Variants in CACNA1A observed in about 807,000 individuals in gnomAD.
The protein encoded by CACNA1A is calcium voltage-gated channel subunit alpha1 A, also known as voltage-dependent P/Q-type calcium channel subunit alpha-1A.
CACNA1A carries 57 observed loss-of-function variants against 262.4 expected under a neutral mutation model. The ratio of observed to expected loss-of-function variants is 0.22; its 90% CI spans 0.18 to 0.27. The LOEUF (loss-of-function observed/expected upper bound fraction) is 0.27, where lower values mean the gene tolerates loss of function less well. Ranked by LOEUF, CACNA1A falls within the 10% of genes least tolerant of loss-of-function variation. CACNA1A has a pLI of 1.00. For synonymous variants in CACNA1A, 1,431 were observed against 1,419.3 expected (o/e 1.01, Z -0.18); for missense variants, 2,526 against 3,562.8 (o/e 0.71, Z 7.41).
At chr19:13,429,077 G>C (rs1426402944) in intron 3 of CACNA1A, among the ~76,000 whole-genome samples, 1 of 151,456 alleles carries the variant, frequency 6.6e-6, no homozygotes, top group African/African-American at 2.4e-5. Context: ...ACCACCTTCT[G>C]AGCTGGGTCT....
intron 24 of CACNA1A, among the ~76,000 whole-genome samples, chr19:13,264,671 C>T (rs1410306150): frequency 6.6e-6 from 1 of 152,210 alleles, no homozygotes; most frequent in African/African-American, 2.4e-5. Context: ...TCTCCAGTCA[C>T]AGAACTACCC....
At chr19:13,421,624 A>G (rs2060316924) in intron 3 of CACNA1A, among the ~76,000 whole-genome samples, 1 of 152,176 alleles carries the variant, frequency 6.6e-6, no homozygotes, top group African/African-American at 2.4e-5. Context: ...CTCTCATGAA[A>G]GAGGTTTCAG....
rs537368913 is a variant in CACNA1A, at chr19:13,268,633, A to G, written c.3990-5800T>C. Among the ~76,000 whole-genome samples, 13 of 151,822 alleles carry G rather than the reference A, an allele frequency of 8.6e-5. No homozygotes were observed. The South Asian group carries it at 2.7e-3, about 32-fold the overall frequency. ...GTATTTTTAGTAGAGATGGGGTTTC[A>G]CCGTGTTAGCCAGGATGGTCTCCAT... On this transcript the variant is annotated intron_variant, in intron 24 of 46. Coordinates refer to ENST00000360228, the MANE Select transcript of CACNA1A (RefSeq NM_001127222.2).
At chr19:13,286,172 G>A (rs971374264) in intron 20 of CACNA1A, among the ~76,000 whole-genome samples, 4 of 152,020 alleles carry the variant, frequency 2.6e-5, no homozygotes, top group African/African-American at 7.3e-5. Context: ...GTGCTGGGCC[G>A]AGAGAATCAA....
Position 13,506,110 on chromosome 19 carries a change from C to T in CACNA1A, c.115G>A (p.Gly39Ser). ...GGRGAGGSRQ[G>S]GQPGAQRMYK... ...ATCCTTTGCGCCCCGGGCTGCCCGC[C>T]CTGCCGGCTGCCCCCGGCTCCTCGC... is the stretch of plus-strand genomic sequence containing the variant. Residue 39 changes from glycine (G) to serine (S), a missense_variant, in exon 1 of 47, where the codon GGC becomes AGC. Around this residue, in one of 17 missense-constraint regions of CACNA1A, gnomAD observed 65 missense variants for 75.6 expected, o/e 0.86. Transcript: ENST00000360228. 3 of 1,611,738 alleles carry T rather than the reference C, an allele frequency of 1.9e-6. No individual in the cohort carries two copies. Among genetic ancestry groups the T allele is most frequent in the Non-Finnish European group, 2.5e-6 (3 of 1,179,058 alleles).
chr19:13,234,795 AG>A, intron 34 of CACNA1A, 125 bp downstream of exon 34: 1 of 698,728 alleles, frequency 1.4e-6, no homozygotes, highest in Admixed American at 2.3e-5. Flanking sequence ...CGCCCCTGCC[AG>A]AAGAGAAGGA....
chr19:13,282,861 T>C (rs749434874), intron 22 of CACNA1A, among the ~76,000 whole-genome samples: 12 of 152,148 alleles, frequency 7.9e-5, no homozygotes, highest in Non-Finnish European at 1.3e-4. Context: ...AGCCAAATAG[T>C]TGTTTCTTTC....
chr19:13,483,342 G>C (rs1038456615), intron 1 of CACNA1A, among the ~76,000 whole-genome samples: 3 of 152,118 alleles, frequency 2.0e-5, no homozygotes, highest in Non-Finnish European at 4.4e-5. Flanking sequence ...CAGACTTGGG[G>C]GTTGCTTGTT....
chr19:13,249,052 T>C (rs1449132947), intron 30 of CACNA1A, among the ~76,000 whole-genome samples: 2 of 152,108 alleles, frequency 1.3e-5, no homozygotes, highest in Non-Finnish European at 2.9e-5. Context: ...CACTGCAGCC[T>C]TGAACTCCTG....
intron 25 of CACNA1A, chr19:13,261,895 T>C (rs1479425338): frequency 6.1e-6 from 2 of 328,092 alleles, no homozygotes; most frequent in Non-Finnish European, 1.1e-5. Flanking sequence ...ACAAAGTTAC[T>C]TCCTTTCCAA....
At chr19:13,413,895 A>AGAAAGAAAGAGAGAAAGAAAGAAAG (rs1555783333) in intron 3 of CACNA1A, among the ~76,000 whole-genome samples, 2 of 119,138 alleles carry the variant, frequency 1.7e-5, no homozygotes, top group African/African-American at 8.1e-5. Context: ...GAAAGAAAGA[A>AGAAAGAAAGAGAGAAAGAAAGAAAG]AAAGAAAGAA....
intron 3 of CACNA1A, among the ~76,000 whole-genome samples, chr19:13,373,144 A>G (rs996206516): frequency 6.6e-6 from 1 of 152,174 alleles, no homozygotes; most frequent in African/African-American, 2.4e-5. Flanking sequence ...ACAGCAAATA[A>G]CTTGGGGATT....
chr19:13,456,481 G>T (rs995005799), intron 1 of CACNA1A, among the ~76,000 whole-genome samples: 10 of 151,942 alleles, frequency 6.6e-5, no homozygotes, highest in Admixed American at 5.2e-4. Flanking sequence ...GACCATCCTG[G>T]CTAACACGGT....
intron 38 of CACNA1A, among the ~76,000 whole-genome samples, chr19:13,220,908 G>A (rs2055194277): frequency 6.6e-6 from 1 of 152,040 alleles, no homozygotes; most frequent in African/African-American, 2.4e-5. Context: ...TTACAGGTGT[G>A]AGCCACTGCT....
At chr19:13,327,300 C>T (rs905319594) in intron 10 of CACNA1A, among the ~76,000 whole-genome samples, 2 of 151,894 alleles carry the variant, frequency 1.3e-5, no homozygotes, top group Non-Finnish European at 2.9e-5. Context: ...ATTGGGGGCT[C>T]CTTTCTTTGT....
chr19:13,431,150 G>A (rs2060497523), intron 3 of CACNA1A, among the ~76,000 whole-genome samples: 1 of 151,910 alleles, frequency 6.6e-6, no homozygotes, highest in South Asian at 2.1e-4. Context: ...GAGGAGCCAG[G>A]TCCTGACTCA....
chr19:13,468,411 G>A (rs1247917691), intron 1 of CACNA1A, among the ~76,000 whole-genome samples: 3 of 152,116 alleles, frequency 2.0e-5, no homozygotes, highest in Non-Finnish European at 4.4e-5. Context: ...TCTGGCAATA[G>A]TGACATCCCT....
intron 38 of CACNA1A, among the ~76,000 whole-genome samples, chr19:13,220,186 G>C (rs867160269): frequency 4.3e-4 from 66 of 152,052 alleles, no homozygotes; most frequent in African/African-American, 1.6e-3. Context: ...GCTTGAACCT[G>C]GGAGGCGGAG....
At chr19:13,276,649 C>T (rs1384597702) in intron 23 of CACNA1A, among the ~76,000 whole-genome samples, 1 of 151,898 alleles carries the variant, frequency 6.6e-6, no homozygotes, top group African/African-American at 2.4e-5. Flanking sequence ...GACTCATCCT[C>T]TCAAGGGGGG....
Sources: gnomAD v4.1 joint callset for allele counts (sites outside exome capture counted in the v4.1 genomes callset) on GRCh38, gnomAD v4.1.1 for gene constraint, gnomAD v4.1.1 regional missense constraint, MANE v1.5 for transcripts, NCBI Gene and HGNC (gene_info 2026-07-23, HGNC 2026-07-21) for gene names.